KIAA0319: variants seen among roughly 807,000 people sequenced by gnomAD.
KIAA0319 encodes the protein dyslexia-associated protein KIAA0319.
KIAA0319 carries 83 observed loss-of-function variants against 108.4 expected under a neutral mutation model. That is an observed-to-expected ratio of 0.77 (90% CI 0.64 to 0.92). KIAA0319 has a LOEUF of 0.92. Among genes scored for constraint, KIAA0319 ranks in the 40% least tolerant of loss-of-function variants. The probability of loss-of-function intolerance (pLI) is 0.00; values close to 1 mark genes in which losing one functional copy is unlikely to be tolerated. For missense variants in KIAA0319, 1,195 were observed against 1,322.4 expected (o/e 0.90, Z 1.49); for synonymous variants, 484 against 510.4 (o/e 0.95, Z 0.70).
rs560388358 is a variant in KIAA0319, at chr6:24,565,252, C to CA, written c.2293-913dup. Among the ~76,000 whole-genome samples, 602 of 142,506 alleles carry CA rather than the reference C, an allele frequency of 4.2e-3. 5 individuals are homozygous for CA. Among genetic ancestry groups the CA allele is most frequent in the African/African-American group, 0.011 (422 of 38,550 alleles). 93.5% of individuals were successfully genotyped at this position (142,506 alleles called of 152,430 possible). A position where few individuals can be genotyped will look rare whatever the true frequency, so the allele number is the denominator to read the frequency against. On this transcript the variant is annotated intron_variant, in intron 14 of 20. Coordinates refer to ENST00000378214, the MANE Select transcript of KIAA0319 (RefSeq NM_014809.4). Reference sequence around the variant, plus strand: ...TAGGTGACAGAGCGAGACTCGGACTCAAAAAAAAAAAGTATAAAGCATTTT... The same window carrying CA: ...TAGGTGACAGAGCGAGACTCGGACTCAAAAAAAAAAAAGTATAAAGCATTTT...
Position 24,600,574 on chromosome 6 carries a change from A to G in KIAA0319, c.55+475T>C, listed in dbSNP as rs1369709541. On this transcript the variant is annotated intron_variant, in intron 2 of 20. Coordinates refer to ENST00000378214, the MANE Select transcript of KIAA0319 (RefSeq NM_014809.4). ...TACATTTGGACAAACTGTACATAAC[A>G]GTTTTTCTAGTCATATCACCACCCT... The G allele has an allele frequency of 4.1e-6, 4 of 969,872 alleles. No individual in the cohort carries two copies. The African/African-American group carries it at 6.5e-5, about 16-fold the overall frequency. 60.1% of individuals were successfully genotyped at this position (969,872 alleles called of 1,614,324 possible).
chr6:24,573,623 C>A (rs890227234), intron 10 of KIAA0319, among the ~76,000 whole-genome samples: 1 of 152,180 alleles, frequency 6.6e-6, no homozygotes, highest in Admixed American at 6.5e-5. Context: ...CATGTACATA[C>A]GCACACTTAC....
In KIAA0319 at chr6:24,601,109, A is replaced by C; in HGVS notation, c.-6T>G. 1 of 1,614,086 alleles carries C rather than the reference A, an allele frequency of 6.2e-7. No homozygotes were observed. The highest frequency in any genetic ancestry group is 1.1e-5 in the South Asian group (1 of 91,064). On this transcript the variant is annotated 5_prime_UTR_variant, in exon 2 of 21. Transcript: ENST00000378214. The stretch of plus-strand genomic sequence containing the variant: ...ACACCTGTGGGGGGCGCCATTGTGC[A>C]CCACACAGTGGGTGATGGCAGGCTT...
At chr6:24,555,057 T>A (rs1052712609) in intron 18 of KIAA0319, among the ~76,000 whole-genome samples, 1 of 152,232 alleles carries the variant, frequency 6.6e-6, no homozygotes, top group African/African-American at 2.4e-5. Flanking sequence ...GTTTATGGCA[T>A]GAAGACATTT....
chr6:24,621,136 A>G (rs1773867121), intron 1 of KIAA0319, among the ~76,000 whole-genome samples: 1 of 152,144 alleles, frequency 6.6e-6, no homozygotes. Flanking sequence ...GTGTTGGCTG[A>G]TATTACTTAT....
Position 24,547,277 on chromosome 6 carries a change from T to C in KIAA0319, c.3107A>G (p.Asp1036Gly). The change falls in exon 21 of 21, where the codon GAC becomes GGC. Residue 1036 changes from aspartate to glycine, a missense_variant. Coordinates refer to ENST00000378214, the MANE Select transcript of KIAA0319 (RefSeq NM_014809.4). ...LMVSESEFDSDQDTIFSREKM... is the reference protein window; with the variant it reads ...LMVSESEFDSGQDTIFSREKM... ...TTCTCGGCTGAAGATTGTGTCCTGG[T>C]CACTGTCAAACTCAGACTCGGATAC... is the stretch of plus-strand genomic sequence containing the variant. The C allele has an allele frequency of 6.2e-7, 1 of 1,614,166 alleles. No individual in the cohort carries two copies.
At chr6:24,636,954 C>T (rs1352233613) in intron 1 of KIAA0319, among the ~76,000 whole-genome samples, 2 of 152,226 alleles carry the variant, frequency 1.3e-5, no homozygotes, top group South Asian at 4.1e-4. Context: ...AAACTATCTA[C>T]TCCATGGGTA....
chr6:24,604,248 G>A (rs1771083888), intron 1 of KIAA0319, among the ~76,000 whole-genome samples: 1 of 152,220 alleles, frequency 6.6e-6, no homozygotes, highest in Non-Finnish European at 1.5e-5. Flanking sequence ...TTAGAGATGG[G>A]AGGTGGAAGG....
rs571214674 is a variant in KIAA0319, at chr6:24,566,734, G to T, written c.2155C>A (p.Pro719Thr). ...TGTCTGCCACCAGCCCGGGCTCTGGGAGGACTATTATTTTCTAAGTCAAAT... is the reference window on the plus strand; with the variant it reads ...TGTCTGCCACCAGCCCGGGCTCTGGTAGGACTATTATTTTCTAAGTCAAAT... ...VAVKKENNSP[P>T]RARAGGRHVL... Residue 719 changes from proline (P) to threonine (T), a missense_variant, in exon 14 of 21, where the codon CCC (proline) becomes ACC (threonine). Physicochemically the swap from Pro to Thr is conservative, Grantham distance 38. Transcript: ENST00000378214. 1.2e-6 allele frequency: 2 copies of T among 1,608,842 alleles called. No homozygotes were observed. Among genetic ancestry groups the T allele is most frequent in the South Asian group, 2.2e-5 (2 of 89,618 alleles).
chr6:24,593,200 G>C (rs551305933), intron 3 of KIAA0319, among the ~76,000 whole-genome samples: 2 of 152,058 alleles, frequency 1.3e-5, no homozygotes, highest in African/African-American at 4.8e-5. Context: ...TGGAAACCCA[G>C]TTTTGCCTCT....
Position 24,595,960 on chromosome 6 carries a change from C to T in KIAA0319, c.714G>A (p.Leu238=). Residue 238 remains leucine (L), a synonymous_variant, in exon 3 of 21, where the codon TTG becomes TTA. Transcript: ENST00000378214. ...CCTCTCCTGAAGATGGAGTAGTCGG[C>T]AAGGGAAGCAACACACTTCTCTCAG... ...KLPERSVLLP[L]PTTPSSGEVL... 3.1e-6 allele frequency: 5 copies of T among 1,614,164 alleles called. No individual in the cohort carries two copies. Among genetic ancestry groups the T allele is most frequent in the Non-Finnish European group, 4.2e-6 (5 of 1,180,036 alleles).
intron 1 of KIAA0319, among the ~76,000 whole-genome samples, chr6:24,622,871 T>C (rs1774159031): frequency 6.6e-6 from 1 of 152,054 alleles, no homozygotes; most frequent in Admixed American, 6.5e-5. Context: ...AAACCCTGTC[T>C]CTACTAAAAA....
downstream of KIAA0319, among the ~76,000 whole-genome samples, chr6:24,540,220 A>AATT (rs1561884503): frequency 6.1e-5 from 5 of 81,582 alleles, no homozygotes; most frequent in Non-Finnish European, 2.9e-5. Flanking sequence ...TAGCATAGTC[A>AATT]CTTATTATAT....
chr6:24,569,761 C>T lies in KIAA0319; in HGVS notation c.1991+142G>A, dbSNP rs925822289. 5.5e-5 allele frequency: 51 copies of T among 933,414 alleles called. No homozygotes were observed. In the African/African-American group the frequency reaches 6.6e-4, roughly 12 times the overall value. The allele number at this position is 933,414 out of a possible 1,614,324, so 57.8% of individuals were successfully genotyped here. A position where few individuals can be genotyped will look rare whatever the true frequency, so the allele number is the denominator to read the frequency against. On this transcript the variant is annotated intron_variant, in intron 12 of 20. Transcript: ENST00000378214. ...ACTTAATGTACTCTTCAATCAATAA[C>T]GCCCAGCCACTTCTAGAAACGTGCT... is the stretch of plus-strand genomic sequence containing the variant.
At chr6:24,638,722 G>T (rs7759747) in intron 1 of KIAA0319, among the ~76,000 whole-genome samples, 106,748 of 151,382 alleles carry the variant, frequency 0.71, 38,190 homozygotes, top group East Asian at 0.87. Context: ...ATTGCGCCAC[G>T]GCACTCCAGC....
rs749730288 is a variant in KIAA0319, at chr6:24,596,572, T to C, written c.102A>G (p.Ala34=). The C allele has an allele frequency of 6.2e-7, 1 of 1,613,508 alleles. No homozygotes were observed. Among genetic ancestry groups the C allele is most frequent in the Non-Finnish European group, 8.5e-7 (1 of 1,179,808 alleles). Residue 34 remains alanine (A), a synonymous_variant, in exon 3 of 21, where the codon GCA becomes GCG. Coordinates refer to ENST00000378214, the MANE Select transcript of KIAA0319 (RefSeq NM_014809.4). ...TGGTTTCCAAGTTAGGTGAAATGAC[T>C]GCATTGGAATATGTCCTCCCCTCGC... ...QCSEGRTYSN[A]VISPNLETTR...
intron 19 of KIAA0319, among the ~76,000 whole-genome samples, chr6:24,553,674 C>A (rs1189378146): frequency 2.6e-5 from 4 of 152,184 alleles, no homozygotes; most frequent in African/African-American, 7.2e-5. Flanking sequence ...TCTGGACAGG[C>A]CTTGCTGGGC....
rs756238049 is a variant in KIAA0319 at position 24,599,609 on chromosome 6, C to A, written c.55+1440G>T. ...TCCATACAAAGACCACCAGTGGCTA[C>A]TCAGGTGAGCTGAGCTCAGCCTATG... On this transcript the variant is annotated intron_variant, in intron 2 of 20. Transcript: ENST00000378214. The surrounding 1 kb of genome is among the most constrained non-coding windows in gnomAD (Gnocchi z 4.1). The A allele has an allele frequency of 1.6e-6, 1 of 623,856 alleles. No individual in the cohort carries two copies. 38.6% of individuals were successfully genotyped at this position (623,856 alleles called of 1,614,324 possible).
chr6:24,599,280 A>G lies in KIAA0319; in HGVS notation c.55+1769T>C. The G allele has an allele frequency of 2.0e-6, 1 of 490,714 alleles. No homozygotes were observed. Among genetic ancestry groups the G allele is most frequent in the Non-Finnish European group, 3.8e-6 (1 of 265,662 alleles). The allele number at this position is 490,714 out of a possible 1,614,324, so 30.4% of individuals were successfully genotyped here. On this transcript the variant is annotated intron_variant, in intron 2 of 20. Transcript: ENST00000378214. The surrounding 1 kb of genome is among the most constrained non-coding windows in gnomAD (Gnocchi z 4.1). Reference sequence around the variant, plus strand: ...TTATACAAAGATGGAGATCTCTGAGATGAATCAGAACATCAGCCGGCTCCA... The same window carrying G: ...TTATACAAAGATGGAGATCTCTGAGGTGAATCAGAACATCAGCCGGCTCCA...
Sources: gnomAD v4.1 joint callset for allele counts (sites outside exome capture counted in the v4.1 genomes callset) on GRCh38, gnomAD v4.1.1 for gene constraint, Gnocchi (gnomAD v3.1) non-coding constraint, MANE v1.5 for transcripts, NCBI Gene and HGNC (gene_info 2026-07-23, HGNC 2026-07-21) for gene names.